EPHB2: variants seen among roughly 807,000 people sequenced by gnomAD.
EPHB2 encodes ephrin type-B receptor 2.
In EPHB2, 18 loss-of-function variants were observed where a neutral mutation model predicts 96.4. That is an observed-to-expected ratio of 0.19 (90% CI 0.13 to 0.28). The LOEUF is 0.28. Ranked by LOEUF, EPHB2 falls within the 10% of genes least tolerant of loss-of-function variation. The probability of loss-of-function intolerance (pLI) is 1.00; values close to 1 mark genes in which losing one functional copy is unlikely to be tolerated. For synonymous variants in EPHB2, 506 were observed against 534.1 expected (o/e 0.95, Z 0.72); for missense variants, 989 against 1,355.4 (o/e 0.73, Z 4.25).
chr1:22,912,187 T>C (rs1465018076), intron 14 of EPHB2, among the ~76,000 whole-genome samples: 2 of 152,066 alleles, frequency 1.3e-5, no homozygotes, highest in African/African-American at 4.8e-5. Context: ...TCCCTAGACT[T>C]CCCAGTTGGC....
At position 22,913,529 on chromosome 1, in the gene EPHB2, A is replaced by G. The variant is rs776637249; in HGVS notation, c.2920A>G (p.Met974Val). 9.3e-6 allele frequency: 15 copies of G among 1,614,204 alleles called. No individual in the cohort carries two copies. The highest frequency in any genetic ancestry group is 1.2e-5 in the Non-Finnish European group (14 of 1,180,034). Residue 974 changes from methionine to valine, a missense_variant, in exon 16 of 16, where the codon ATG becomes GTG. By Grantham distance (21) the Met-to-Val change is conservative. Coordinates refer to ENST00000374630, the MANE Select transcript of EPHB2 (RefSeq NM_017449.5). The surrounding 1 kb of genome is among the most constrained non-coding windows in gnomAD (Gnocchi z 4.1). Reference protein sequence around the residue: ...QKKILNSIQVMRAQMNQIQSV... With the variant: ...QKKILNSIQVVRAQMNQIQSV... ...AAAAATCCTGAACAGTATCCAGGTG[A>G]TGCGGGCGCAGATGAACCAGATTCA...
intron 1 of EPHB2, among the ~76,000 whole-genome samples, chr1:22,728,276 C>T (rs929410450): frequency 1.3e-5 from 2 of 152,236 alleles, no homozygotes; most frequent in African/African-American, 4.8e-5. Context: ...ACGGGTTCCT[C>T]ACAATGTGCC....
In EPHB2 at chr1:22,784,920, C is replaced by G; in HGVS notation, c.655C>G (p.Leu219Val). 6.2e-7 allele frequency: 1 copy of G among 1,614,010 alleles called. No homozygotes were observed. The highest frequency in any genetic ancestry group is 8.5e-7 in the Non-Finnish European group (1 of 1,180,052). Reference sequence around the variant, plus strand: ...CCTGTCGGGGGCTGAGAGCACATCGCTGGTGGCTGCCCGGGGCAGCTGCAT... The same window carrying G: ...CCTGTCGGGGGCTGAGAGCACATCGGTGGTGGCTGCCCGGGGCAGCTGCAT... ...ETLSGAESTSLVAARGSCIAN... is the reference protein window; with the variant it reads ...ETLSGAESTSVVAARGSCIAN... The change falls in exon 3 of 16, where the codon CTG (leucine) becomes GTG (valine). Residue 219 changes from leucine (L) to valine (V), a missense_variant. Physicochemically the swap from Leu to Val is conservative, Grantham distance 32. Coordinates refer to ENST00000374630, the MANE Select transcript of EPHB2 (RefSeq NM_017449.5). This position sits in a 1 kb window ranked among gnomAD's most constrained non-coding sequence, Gnocchi z 5.1.
chr1:22,904,425 G>T (rs777416415), intron 9 of EPHB2, among the ~76,000 whole-genome samples: 1 of 151,852 alleles, frequency 6.6e-6, no homozygotes, highest in Non-Finnish European at 1.5e-5. Flanking sequence ...ATTACTTTTT[G>T]AATAGAAAAG....
At chr1:22,740,923 C>T (rs139220017) in intron 1 of EPHB2, among the ~76,000 whole-genome samples, 3 of 152,240 alleles carry the variant, frequency 2.0e-5, no homozygotes, top group East Asian at 1.9e-4. Flanking sequence ...GGGGGCGGTC[C>T]GTGTGAAGTT....
chr1:22,732,004 C>T (rs1167463744), intron 1 of EPHB2, among the ~76,000 whole-genome samples: 1 of 152,238 alleles, frequency 6.6e-6, no homozygotes, highest in African/African-American at 2.4e-5. Context: ...ACTTGCAGAA[C>T]TTCAGCAGCA....
At chr1:22,812,123 T>C (rs965457453) in intron 3 of EPHB2, among the ~76,000 whole-genome samples, 1 of 152,206 alleles carries the variant, frequency 6.6e-6, no homozygotes, top group African/African-American at 2.4e-5. Context: ...AGCCCCCAGA[T>C]ATTTGTTGTG....
At chr1:22,806,355 A>G (rs1570312832) in intron 3 of EPHB2, among the ~76,000 whole-genome samples, 2 of 152,200 alleles carry the variant, frequency 1.3e-5, no homozygotes, top group African/African-American at 4.8e-5. Flanking sequence ...TGTACCTCTT[A>G]GAATACCAAG....
chr1:22,801,755 G>A (rs1644846267), intron 3 of EPHB2, among the ~76,000 whole-genome samples: 1 of 152,180 alleles, frequency 6.6e-6, no homozygotes, highest in African/African-American at 2.4e-5. Flanking sequence ...CCCTCCAGAT[G>A]GGCAGCCCCT....
intron 1 of EPHB2, among the ~76,000 whole-genome samples, chr1:22,762,846 G>T (rs1480833607): frequency 6.6e-6 from 1 of 152,154 alleles, no homozygotes; most frequent in Non-Finnish European, 1.5e-5. Context: ...CTCTGCGCTG[G>T]CTGCAGTGGC....
intron 1 of EPHB2, among the ~76,000 whole-genome samples, chr1:22,775,417 G>A (rs1439093977): frequency 6.6e-6 from 1 of 152,258 alleles, no homozygotes; most frequent in African/African-American, 2.4e-5. Flanking sequence ...CTCACATACT[G>A]TCATTAGTGC....
Position 22,860,448 on chromosome 1 carries a change from C to T in EPHB2, c.812-2589C>T, listed in dbSNP as rs774116176. Among the ~76,000 whole-genome samples the T allele has an allele frequency of 5.3e-5, 8 of 152,072 alleles. No homozygotes were observed. Among genetic ancestry groups the T allele is most frequent in the Non-Finnish European group, 7.4e-5 (5 of 68,020 alleles). On this transcript the variant is annotated intron_variant, in intron 3 of 15. Transcript: ENST00000374630. The surrounding 1 kb of genome is among the most constrained non-coding windows in gnomAD (Gnocchi z 4.6). ...CAGTGCCCGGTGGTGGGGGTCGAAC[C>T]TGGCCAGGCAACAGAGCAAATGAAG...
intron 1 of EPHB2, among the ~76,000 whole-genome samples, chr1:22,738,465 T>C (rs993572911): frequency 4.5e-4 from 68 of 152,290 alleles, no homozygotes; most frequent in Middle Eastern, 6.8e-3. Flanking sequence ...CCCCCTGTGG[T>C]AGGTACTGTC....
At chr1:22,803,721 A>G (rs1326238686) in intron 3 of EPHB2, among the ~76,000 whole-genome samples, 1 of 149,152 alleles carries the variant, frequency 6.7e-6, no homozygotes, top group African/African-American at 2.5e-5. Flanking sequence ...ATGTGTATAT[A>G]TATGTATATG....
intron 8 of EPHB2, 117 bp downstream of exon 8, chr1:22,895,697 G>C: frequency 1.0e-6 from 1 of 970,150 alleles, no homozygotes; most frequent in Admixed American, 2.1e-5. Flanking sequence ...CAATTGCAGG[G>C]AGAGATGTGG....
chr1:22,811,552 AT>A (rs1483776202), intron 3 of EPHB2, among the ~76,000 whole-genome samples: 1 of 152,180 alleles, frequency 6.6e-6, no homozygotes, highest in Non-Finnish European at 1.5e-5. Flanking sequence ...CAGAAAGTTT[AT>A]CTTCCAGTCT....
intron 1 of EPHB2, among the ~76,000 whole-genome samples, chr1:22,775,508 TAGGGAGCAACCACCCG>T: frequency 6.6e-6 from 1 of 152,192 alleles, no homozygotes; most frequent in Non-Finnish European, 1.5e-5. Context: ...GATCGGAGAA[TAGGGAGCAACCACCCG>T]CTCCAGCCTG....
intron 1 of EPHB2, among the ~76,000 whole-genome samples, chr1:22,770,270 T>A (rs751561978): frequency 6.6e-6 from 1 of 152,068 alleles, no homozygotes; most frequent in African/African-American, 2.4e-5. Context: ...GTTGGAAAGA[T>A]AGATGGATGA....
At chr1:22,872,160 G>A (rs1638691513) in intron 5 of EPHB2, among the ~76,000 whole-genome samples, 1 of 152,174 alleles carries the variant, frequency 6.6e-6, no homozygotes. Context: ...GTGGCTGTGG[G>A]AGTGAGGCCT....
Sources: allele counts gnomAD v4.1 joint callset (sites outside exome capture counted in the v4.1 genomes callset), GRCh38; gene constraint gnomAD v4.1.1; non-coding constraint Gnocchi (gnomAD v3.1); transcripts MANE v1.5; gene names NCBI Gene and HGNC (gene_info 2026-07-23, HGNC 2026-07-21).